The following ARFGEF2 variants were observed in gnomAD, a reference collection of about 807,000 sequenced individuals.
ARFGEF2 encodes the protein ARF guanine nucleotide exchange factor 2.
In ARFGEF2, 74 loss-of-function variants were observed where a neutral mutation model predicts 219.9. The ratio of observed to expected loss-of-function variants is 0.34; its 90% CI spans 0.28 to 0.41. ARFGEF2 has a LOEUF of 0.41. ARFGEF2 is among the 10% of genes least tolerant of loss of function. The pLI is 1.00. For synonymous variants in ARFGEF2, 733 were observed against 799.2 expected (o/e 0.92, Z 1.40); for missense variants, 1,743 against 2,218.3 (o/e 0.79, Z 4.30).
chr20:48,922,808 T>C (rs1251537128), intron 1 of ARFGEF2, among the ~76,000 whole-genome samples: 1 of 152,240 alleles, frequency 6.6e-6, no homozygotes, highest in African/African-American at 2.4e-5. Context: ...TTAACAAATA[T>C]TTATCAAGTG....
At chr20:49,009,970 G>A (rs938012083) in intron 26 of ARFGEF2, among the ~76,000 whole-genome samples, 1 of 152,172 alleles carries the variant, frequency 6.6e-6, no homozygotes, top group East Asian at 1.9e-4. Context: ...TGAGACCCAG[G>A]CTTTTTCCTT....
chr20:49,018,356 C>A (rs1452676756), intron 33 of ARFGEF2, among the ~76,000 whole-genome samples: 1 of 152,100 alleles, frequency 6.6e-6, no homozygotes, highest in Admixed American at 6.6e-5. Context: ...CCTCAGCCTC[C>A]CGCCAAGTAG....
chr20:49,018,606 T>A (rs1334461993), intron 33 of ARFGEF2, among the ~76,000 whole-genome samples: 5 of 152,212 alleles, frequency 3.3e-5, no homozygotes, highest in Non-Finnish European at 7.3e-5. Context: ...CATAAAAAAT[T>A]TGTCACACTT....
chr20:48,974,149 A>G (rs1167724410), intron 12 of ARFGEF2, among the ~76,000 whole-genome samples: 1 of 114,290 alleles, frequency 8.7e-6, no homozygotes, highest in Non-Finnish European at 1.7e-5. Flanking sequence ...TTTTTGAGAC[A>G]GAATCTCACT....
intron 25 of ARFGEF2, among the ~76,000 whole-genome samples, chr20:49,002,247 TAAATA>T (rs2091429864): frequency 6.6e-6 from 1 of 152,052 alleles, no homozygotes; most frequent in African/African-American, 2.4e-5. Context: ...AAAAATAAAA[TAAATA>T]AAATAAGATT....
At chr20:48,938,786 G>T (rs543711981) in intron 1 of ARFGEF2, among the ~76,000 whole-genome samples, 73 of 152,242 alleles carry the variant, frequency 4.8e-4, no homozygotes, top group African/African-American at 1.7e-3. Flanking sequence ...TGAGCTGAGG[G>T]ACTCTAAAGA....
intron 16 of ARFGEF2, among the ~76,000 whole-genome samples, chr20:48,986,079 C>CT (rs1251452319): frequency 6.6e-6 from 1 of 152,032 alleles, no homozygotes; most frequent in Non-Finnish European, 1.5e-5. Context: ...ATCTGGGGAC[C>CT]TTTTTTGATG....
At chr20:48,942,039 T>C (rs769015352) in intron 3 of ARFGEF2, 52 bp downstream of exon 3, 12 of 1,611,364 alleles carry the variant, frequency 7.4e-6, no homozygotes, top group Non-Finnish European at 1.0e-5. Flanking sequence ...AAGCCACAGT[T>C]GGTCCTTACA....
At chr20:48,989,953 G>T (rs1249882504) in intron 20 of ARFGEF2, among the ~76,000 whole-genome samples, 1 of 152,178 alleles carries the variant, frequency 6.6e-6, no homozygotes, top group Non-Finnish European at 1.5e-5. Flanking sequence ...GCCAAGGCAG[G>T]CAGATCACCT....
At chr20:48,949,509 C>G (rs1289047644) in intron 3 of ARFGEF2, among the ~76,000 whole-genome samples, 1 of 152,182 alleles carries the variant, frequency 6.6e-6, no homozygotes, top group Non-Finnish European at 1.5e-5. Context: ...CCACACCCCT[C>G]ACCTGGAGAT....
At chr20:48,945,858 T>C (rs926921090) in intron 3 of ARFGEF2, among the ~76,000 whole-genome samples, 4 of 152,132 alleles carry the variant, frequency 2.6e-5, no homozygotes, top group African/African-American at 9.7e-5. Context: ...AGCAAGACCC[T>C]GTCTCTTTAA....
chr20:48,996,969 C>T (rs2091394555), intron 23 of ARFGEF2, among the ~76,000 whole-genome samples: 1 of 152,070 alleles, frequency 6.6e-6, no homozygotes, highest in Non-Finnish European at 1.5e-5. Flanking sequence ...AACCACTGAT[C>T]TACAGATTTG....
chr20:48,989,035 C>G (rs2091342476), intron 18 of ARFGEF2, among the ~76,000 whole-genome samples: 1 of 152,132 alleles, frequency 6.6e-6, no homozygotes, highest in East Asian at 1.9e-4. Flanking sequence ...GAGTGTGGCT[C>G]TAGAGCCACA....
At chr20:49,017,176 T>C (rs2091535675) in intron 31 of ARFGEF2, 73 bp from the exon 32 acceptor site, 3 of 1,491,224 alleles carry the variant, frequency 2.0e-6, no homozygotes, top group Non-Finnish European at 2.8e-6. Flanking sequence ...ACTCACAATA[T>C]ACAGTATTTG....
intron 11 of ARFGEF2, 110 bp from the exon 12 acceptor site, chr20:48,973,035 A>C: frequency 8.1e-7 from 1 of 1,236,346 alleles, no homozygotes; most frequent in Admixed American, 1.8e-5. Context: ...AGATGTGGCC[A>C]CCGGAGTCTG....
chr20:49,023,526 TTTTTTTTTTTG>T (rs1250562319), intron 35 of ARFGEF2, among the ~76,000 whole-genome samples: 1 of 63,152 alleles, frequency 1.6e-5, no homozygotes, highest in Non-Finnish European at 3.2e-5. Flanking sequence ...TTTTCTGGTT[TTTTTTTTTTTG>T]TTTTTTTTTT....
intron 14 of ARFGEF2, among the ~76,000 whole-genome samples, chr20:48,977,727 G>A (rs1414413889): frequency 6.6e-6 from 1 of 152,238 alleles, no homozygotes; most frequent in Non-Finnish European, 1.5e-5. Context: ...CTTACGACCA[G>A]TGATGATGAG....
chr20:48,943,359 C>T (rs1404882557), intron 3 of ARFGEF2, among the ~76,000 whole-genome samples: 1 of 152,188 alleles, frequency 6.6e-6, no homozygotes, highest in Non-Finnish European at 1.5e-5. Flanking sequence ...TGAAGACTGA[C>T]TGTATTTAGA....
intron 34 of ARFGEF2, among the ~76,000 whole-genome samples, chr20:49,019,681 C>A (rs1255031202): frequency 6.6e-6 from 1 of 152,092 alleles, no homozygotes; most frequent in Non-Finnish European, 1.5e-5. Context: ...TTTACGTGAT[C>A]TTTTTAGATG....
Sources: allele counts gnomAD v4.1 joint callset (sites outside exome capture counted in the v4.1 genomes callset), GRCh38; gene constraint gnomAD v4.1.1; transcripts MANE v1.5; gene names NCBI Gene and HGNC (gene_info 2026-07-23, HGNC 2026-07-21).